CALN1: variants seen among roughly 807,000 people sequenced by gnomAD.
CALN1 encodes calcium-binding protein 8.
In CALN1, 17 loss-of-function variants were observed where a neutral mutation model predicts 30.6. The observed-to-expected ratio is 0.56, with a 90% CI of 0.38 to 0.83. The LOEUF (loss-of-function observed/expected upper bound fraction) is 0.83, where lower values mean the gene tolerates loss of function less well. CALN1 is among the 40% of genes least tolerant of loss of function. CALN1 has a pLI of 0.00. For missense variants in CALN1, 291 were observed against 354.9 expected, an observed-to-expected ratio of 0.82 and a Z score of 1.45; for synonymous variants, 156 against 131.4, an observed-to-expected ratio of 1.19 and a Z score of -1.28.
chr7:72,180,614 T>C (rs1283103944), intron 3 of CALN1, among the ~76,000 whole-genome samples: 2 of 148,710 alleles, frequency 1.3e-5, no homozygotes, highest in Admixed American at 6.7e-5. Context: ...TTTCTTTTTT[T>C]TTTTTTTTTT....
rs116866792 is a variant in CALN1, at chr7:71,809,347, C to T, written c.658+989G>A. ...GCTCAGCTCCAAGCACACTAGCCTC[C>T]CCCCATAGCACTCACTGGCTCTAAG... On this transcript the variant is annotated intron_variant, in intron 6 of 6. Transcript: ENST00000395275. 1.4e-3 allele frequency among the ~76,000 whole-genome samples: 214 copies of T among 151,552 alleles called. 2 individuals are homozygous for T. In the East Asian group the frequency reaches 0.035, roughly 25 times the overall value.
intron 3 of CALN1, among the ~76,000 whole-genome samples, chr7:72,170,560 C>T (rs77039451): frequency 0.027 from 4,052 of 152,258 alleles, 192 homozygotes; most frequent in African/African-American, 0.092. Flanking sequence ...GGGCCAGTGG[C>T]ATTGCCCCAC....
At chr7:72,489,603 C>G in the CALN1 span, among the ~76,000 whole-genome samples, 9 of 152,124 alleles carry the variant, frequency 5.9e-5, no homozygotes, top group South Asian at 6.2e-4. Flanking sequence ...CTTGAAAGAG[C>G]CTTTATTTCA....
chr7:72,064,835 T>A (rs1803905182), intron 4 of CALN1, among the ~76,000 whole-genome samples: 1 of 151,974 alleles, frequency 6.6e-6, no homozygotes, highest in South Asian at 2.1e-4. Context: ...TCAACTTGCA[T>A]AGCTTTTATG....
At position 72,378,420 on chromosome 7, in the gene CALN1, G is replaced by C. The variant is rs184306607; in HGVS notation, c.119+24831C>G. Among the ~76,000 whole-genome samples the C allele has an allele frequency of 5.8e-4, 88 of 152,222 alleles. 1 individual carries two copies. Among genetic ancestry groups the C allele is most frequent in the Admixed American group, 1.3e-3 (20 of 15,298 alleles). ...CTGGGTTGCTGCCAGCTTTTGACTA[G>C]TTTCCAGAGTTCCAACAAGTTGATT... On this transcript the variant is annotated intron_variant, in intron 2 of 6. Transcript: ENST00000395275.
chr7:71,995,965 A>G (rs1799231904), intron 5 of CALN1, among the ~76,000 whole-genome samples: 1 of 152,096 alleles, frequency 6.6e-6, no homozygotes, highest in Non-Finnish European at 1.5e-5. Flanking sequence ...TCCTCCCGCA[A>G]AGAGATACAC....
chr7:72,249,261 C>G (rs1795388451), intron 3 of CALN1, among the ~76,000 whole-genome samples: 2 of 152,142 alleles, frequency 1.3e-5, no homozygotes, highest in Admixed American at 6.5e-5. Flanking sequence ...TCGTGAGCAA[C>G]AGAGGTGTCA....
At chr7:71,951,945 T>TC (rs948334238) in intron 5 of CALN1, among the ~76,000 whole-genome samples, 1 of 151,994 alleles carries the variant, frequency 6.6e-6, no homozygotes. Context: ...TTTTTTTTTT[T>TC]CCATTCCCCT....
At chr7:72,191,520 G>T in intron 3 of CALN1, among the ~76,000 whole-genome samples, 2 of 140,318 alleles carry the variant, frequency 1.4e-5, no homozygotes, top group Admixed American at 7.6e-5. Context: ...GAGAATCGCG[G>T]GTACCCAGGA....
At chr7:72,084,989 G>C (rs1244683049) in intron 4 of CALN1, among the ~76,000 whole-genome samples, 3 of 152,148 alleles carry the variant, frequency 2.0e-5, no homozygotes, top group Admixed American at 2.0e-4. Context: ...TATCCAAGCT[G>C]TCTATACTAC....
chr7:72,035,345 T>C (rs949928040), intron 4 of CALN1, among the ~76,000 whole-genome samples: 8 of 152,170 alleles, frequency 5.3e-5, no homozygotes, highest in African/African-American at 1.9e-4. Context: ...ACTCCAAGTA[T>C]CTCATGCAAG....
At chr7:72,403,141 T>A in intron 2 of CALN1, 110 bp downstream of exon 2, 9 of 731,444 alleles carry the variant, frequency 1.2e-5, no homozygotes, top group Non-Finnish European at 2.0e-5. Flanking sequence ...TAGATTCTCC[T>A]CTCCAGCCTA....
intron 3 of CALN1, among the ~76,000 whole-genome samples, chr7:72,264,658 C>T (rs1796494137): frequency 6.6e-6 from 1 of 152,160 alleles, no homozygotes; most frequent in Non-Finnish European, 1.5e-5. Flanking sequence ...GCAAGCACCA[C>T]ACCCAGCTGA....
At chr7:72,058,440 C>T (rs187323031) in intron 4 of CALN1, among the ~76,000 whole-genome samples, 58 of 151,330 alleles carry the variant, frequency 3.8e-4, no homozygotes, top group African/African-American at 1.2e-3. Context: ...GCCTCAGCCT[C>T]CCAAGTAGCT....
At chr7:72,166,077 T>C (rs1398587355) in intron 3 of CALN1, among the ~76,000 whole-genome samples, 1 of 152,224 alleles carries the variant, frequency 6.6e-6, no homozygotes, top group Non-Finnish European at 1.5e-5. Context: ...CCAGCCTCAC[T>C]TGCAGTGAGC....
chr7:72,418,132 A>C (rs750462), intron 1 of CALN1, among the ~76,000 whole-genome samples: 1 of 145,152 alleles, frequency 6.9e-6, no homozygotes, highest in African/African-American at 2.6e-5. Flanking sequence ...TTCCCTCTCT[A>C]GTAGCCCCCA....
intron 3 of CALN1, among the ~76,000 whole-genome samples, chr7:72,141,164 A>AG: frequency 6.6e-6 from 1 of 152,304 alleles, no homozygotes; most frequent in East Asian, 1.9e-4. Flanking sequence ...TGGATGCGGT[A>AG]GCTCATACCT....
chr7:71,923,604 A>C (rs1284711055), intron 5 of CALN1, among the ~76,000 whole-genome samples: 1 of 152,138 alleles, frequency 6.6e-6, no homozygotes, highest in Non-Finnish European at 1.5e-5. Context: ...CCTAATTTAA[A>C]TAAAGAGCTA....
the CALN1 span, among the ~76,000 whole-genome samples, chr7:72,479,613 C>T: frequency 7.0e-3 from 1,032 of 147,614 alleles, 13 homozygotes; most frequent in African/African-American, 0.024. Context: ...ATTGCAATGG[C>T]GTGATCTTGG....
Sources: gnomAD v4.1 joint callset for allele counts (sites outside exome capture counted in the v4.1 genomes callset) on GRCh38, gnomAD v4.1.1 for gene constraint, MANE v1.5 for transcripts, NCBI Gene and HGNC (gene_info 2026-07-23, HGNC 2026-07-21) for gene names.